The following CAAP1 variants were observed in gnomAD, a reference collection of about 807,000 sequenced individuals.
CAAP1 encodes caspase activity and apoptosis inhibitor 1, also known as conserved anti-apoptotic protein.
A neutral mutation model predicts 34.0 loss-of-function variants in CAAP1; 20 were observed. That is an observed-to-expected ratio of 0.59 (90% confidence interval 0.41 to 0.86). CAAP1 has a LOEUF of 0.86. Ranked by LOEUF, CAAP1 falls within the 40% of genes least tolerant of loss-of-function variation. The probability of loss-of-function intolerance (pLI) is 0.00; values close to 1 mark genes in which losing one functional copy is unlikely to be tolerated. For synonymous variants in CAAP1, 213 were observed against 166.7 expected, an observed-to-expected ratio of 1.28 and a Z score of -2.14; for missense variants, 538 against 450.5, an observed-to-expected ratio of 1.19 and a Z score of -1.76.
intron 5 of CAAP1, among the ~76,000 whole-genome samples, chr9:26,859,274 TTTC>T (rs1822950335): frequency 1.3e-5 from 2 of 152,200 alleles, no homozygotes; most frequent in Admixed American, 6.5e-5. Flanking sequence ...ATGACTGGTT[TTTC>T]ACATGACTGA....
intron 4 of CAAP1, among the ~76,000 whole-genome samples, chr9:26,870,589 T>TAC (rs1400940095): frequency 8.1e-4 from 54 of 67,000 alleles, no homozygotes; most frequent in African/African-American, 2.6e-3. Flanking sequence ...CATATATACG[T>TAC]GTGTGTGTGT....
intron 4 of CAAP1, among the ~76,000 whole-genome samples, chr9:26,874,634 T>TAAAG (rs1451104525): frequency 6.6e-6 from 1 of 152,224 alleles, no homozygotes; most frequent in Non-Finnish European, 1.5e-5. Context: ...ATGGATGTTG[T>TAAAG]ATCTTCACAG....
intron 4 of CAAP1, among the ~76,000 whole-genome samples, chr9:26,882,091 T>C (rs1823605448): frequency 6.6e-6 from 1 of 152,182 alleles, no homozygotes. Flanking sequence ...TGGGTATTAT[T>C]AAAAGCATTC....
chr9:26,883,417 G>T (rs898931420), intron 4 of CAAP1, among the ~76,000 whole-genome samples: 12 of 152,118 alleles, frequency 7.9e-5, no homozygotes, highest in African/African-American at 2.7e-4. Context: ...CCCCAGTCAT[G>T]TGGAATTATG....
chr9:26,889,834 C>G (rs1300715391), intron 1 of CAAP1, among the ~76,000 whole-genome samples: 2 of 143,746 alleles, frequency 1.4e-5, no homozygotes, highest in South Asian at 2.2e-4. Flanking sequence ...CGCCACTGCA[C>G]TCCAGCCTGG....
At chr9:26,853,609 C>T (rs984722862) in intron 5 of CAAP1, among the ~76,000 whole-genome samples, 4 of 152,080 alleles carry the variant, frequency 2.6e-5, no homozygotes, top group South Asian at 2.1e-4. Flanking sequence ...TGTCAAATGC[C>T]GCTGATGGGT....
At chr9:26,892,191 A>G (rs1001132859) in intron 1 of CAAP1, 3 of 1,295,682 alleles carry the variant, frequency 2.3e-6, no homozygotes, top group Non-Finnish European at 3.1e-6. Flanking sequence ...AATTAAAAAA[A>G]AAGTGATCAG....
At chr9:26,860,468 T>A (rs1184387850) in intron 5 of CAAP1, among the ~76,000 whole-genome samples, 2 of 152,100 alleles carry the variant, frequency 1.3e-5, no homozygotes, top group South Asian at 2.1e-4. Context: ...AGTTAACATA[T>A]CTCCAATGTC....
At position 26,842,654 on chromosome 9, in the gene CAAP1, C is replaced by T; in HGVS notation, c.740-7G>A. 2 of 1,570,424 alleles carry T rather than the reference C, an allele frequency of 1.3e-6. No homozygotes were observed. The highest frequency in any genetic ancestry group is 1.7e-6 in the Non-Finnish European group (2 of 1,160,838). Reference sequence around the variant, plus strand: ...TCACTATCTTCCCCTTTTCCTGTAACCAAAAAAGGAGAAAGATCCATGTAA... The same window carrying T: ...TCACTATCTTCCCCTTTTCCTGTAATCAAAAAAGGAGAAAGATCCATGTAA... On this transcript the variant is annotated splice_region_variant and splice_polypyrimidine_tract_variant and intron_variant, in intron 5 of 5. Coordinates refer to ENST00000333916, the MANE Select transcript of CAAP1 (RefSeq NM_024828.4).
Position 26,860,782 on chromosome 9 carries a change from C to G in CAAP1, c.739+284G>C, listed in dbSNP as rs1355084021. Among the ~76,000 whole-genome samples the G allele has an allele frequency of 2.0e-5, 3 of 152,124 alleles. No homozygotes were observed. In the East Asian group the frequency reaches 5.8e-4, roughly 29 times the overall value. The stretch of plus-strand genomic sequence containing the variant: ...CTCCAGCCTGGGCGACAGGGCAAGA[C>G]TCTGTCTCAAAATAAATAAATAAAT... On this transcript the variant is annotated intron_variant, in intron 5 of 5. Coordinates refer to ENST00000333916, the MANE Select transcript of CAAP1 (RefSeq NM_024828.4).
chr9:26,881,271 G>A (rs1429183953), intron 4 of CAAP1, among the ~76,000 whole-genome samples: 1 of 152,226 alleles, frequency 6.6e-6, no homozygotes, highest in Non-Finnish European at 1.5e-5. Context: ...ACCATGCACA[G>A]TCGTTGTTGT....
chr9:26,874,051 CA>C (rs1823354319), intron 4 of CAAP1, among the ~76,000 whole-genome samples: 1 of 151,466 alleles, frequency 6.6e-6, no homozygotes, highest in Non-Finnish European at 1.5e-5. Context: ...ACTAAAAATA[CA>C]AAAAATTAGC....
intron 4 of CAAP1, among the ~76,000 whole-genome samples, chr9:26,868,911 C>G (rs1823205618): frequency 6.6e-6 from 1 of 152,142 alleles, no homozygotes; most frequent in African/African-American, 2.4e-5. Context: ...TGTAAAAGAC[C>G]TTTACGGAAC....
intron 5 of CAAP1, among the ~76,000 whole-genome samples, chr9:26,844,255 G>C (rs1007893253): frequency 6.6e-6 from 1 of 152,172 alleles, no homozygotes; most frequent in African/African-American, 2.4e-5. Flanking sequence ...TACTCGGGAG[G>C]CTGAGGCAAG....
At chr9:26,863,511 A>G (rs545283357) in intron 4 of CAAP1, among the ~76,000 whole-genome samples, 1 of 152,296 alleles carries the variant, frequency 6.6e-6, no homozygotes, top group African/African-American at 2.4e-5. Context: ...CTTAAATTGT[A>G]AGAAAATTAT....
intron 4 of CAAP1, among the ~76,000 whole-genome samples, chr9:26,868,100 AGAGTT>A (rs1823180070): frequency 6.6e-6 from 1 of 152,234 alleles, no homozygotes; most frequent in Non-Finnish European, 1.5e-5. Flanking sequence ...AAAGTCAATA[AGAGTT>A]ATCTTCAGTT....
chr9:26,872,574 T>TATATATATATATATATATATATA (rs1563888459), intron 4 of CAAP1, among the ~76,000 whole-genome samples: 2 of 138,206 alleles, frequency 1.4e-5, no homozygotes, highest in African/African-American at 6.1e-5. Flanking sequence ...ATATATATAT[T>TATATATATATATATATATATATA]TAGACAGAGT....
intron 5 of CAAP1, among the ~76,000 whole-genome samples, chr9:26,843,147 T>C (rs1286547604): frequency 1.3e-5 from 2 of 152,234 alleles, no homozygotes; most frequent in Non-Finnish European, 2.9e-5. Context: ...AATCTTTTCA[T>C]ACGCTTTTTC....
At chr9:26,892,389 G>C (rs1279906983) in intron 1 of CAAP1, 24 bp downstream of exon 1, 1 of 1,602,838 alleles carries the variant, frequency 6.2e-7, no homozygotes, top group East Asian at 2.2e-5. Context: ...GCTCCAGGAA[G>C]CGGCCAGAGG....
Sources: gnomAD v4.1 joint callset for allele counts (sites outside exome capture counted in the v4.1 genomes callset) on GRCh38, gnomAD v4.1.1 for gene constraint, MANE v1.5 for transcripts, NCBI Gene and HGNC (gene_info 2026-07-23, HGNC 2026-07-21) for gene names.